The following MAML3 variants were observed in gnomAD, a reference collection of about 807,000 sequenced individuals.
MAML3 encodes mastermind-like protein 3.
MAML3 carries 27 observed loss-of-function variants against 101.9 expected under a neutral mutation model. The observed-to-expected ratio is 0.27, with a 90% CI of 0.20 to 0.37. The LOEUF is 0.37. Among genes scored for constraint, MAML3 ranks in the 10% least tolerant of loss-of-function variants. The probability of loss-of-function intolerance (pLI) is 1.00; values close to 1 mark genes in which losing one functional copy is unlikely to be tolerated. For missense variants in MAML3, 1,316 were observed against 1,444.9 expected (o/e 0.91, Z 1.45); for synonymous variants, 501 against 555.9 (o/e 0.90, Z 1.39).
rs1728489584 is a variant in MAML3, at chr4:140,114,742, A to C, written c.468+38118T>G. ...CTTGTTTCATCCATACCCCAAACCCACATTCCCTTTCCATATTATAGAAAG... is the reference window on the plus strand; with the variant it reads ...CTTGTTTCATCCATACCCCAAACCCCCATTCCCTTTCCATATTATAGAAAG... On this transcript the variant is annotated intron_variant, in intron 1 of 4. Coordinates refer to ENST00000509479, the MANE Select transcript of MAML3 (RefSeq NM_018717.5). 2.0e-5 allele frequency among the ~76,000 whole-genome samples: 3 copies of C among 152,322 alleles called. No homozygotes were observed. In the South Asian group the frequency reaches 6.2e-4, roughly 32 times the overall value.
chr4:140,074,158 G>GAGAGAAAGAA (rs1207599453), intron 1 of MAML3, among the ~76,000 whole-genome samples: 1 of 96,136 alleles, frequency 1.0e-5, no homozygotes, highest in East Asian at 3.1e-4. Flanking sequence ...AAGAAAGAGA[G>GAGAGAAAGAA]AGAGAAAGGA....
At chr4:139,894,791 T>C (rs991473944) in intron 1 of MAML3, among the ~76,000 whole-genome samples, 35 of 152,234 alleles carry the variant, frequency 2.3e-4, no homozygotes, top group African/African-American at 8.4e-4. Context: ...TATTATTTAT[T>C]GGACAAGGCA....
intron 1 of MAML3, among the ~76,000 whole-genome samples, chr4:139,934,294 C>T (rs1367811956): frequency 2.7e-5 from 4 of 150,568 alleles, no homozygotes; most frequent in Non-Finnish European, 4.4e-5. Context: ...GGTGTGTGTG[C>T]GACTATGGGT....
At chr4:140,115,040 G>A (rs1012229200) in intron 1 of MAML3, among the ~76,000 whole-genome samples, 4 of 152,088 alleles carry the variant, frequency 2.6e-5, no homozygotes, top group African/African-American at 9.7e-5. Flanking sequence ...ATATCCTATA[G>A]AACCATAACA....
At chr4:139,874,424 C>T (rs1222360232) in intron 2 of MAML3, among the ~76,000 whole-genome samples, 1 of 152,054 alleles carries the variant, frequency 6.6e-6, no homozygotes, top group Non-Finnish European at 1.5e-5. Context: ...GTGAAACTTG[C>T]TAACAGTTGG....
chr4:139,739,694 TC>T (rs1361880820), intron 2 of MAML3, among the ~76,000 whole-genome samples: 7 of 141,178 alleles, frequency 5.0e-5, no homozygotes, highest in African/African-American at 1.0e-4. Context: ...TTTTTTTTTT[TC>T]TTTTATGTCC....
chr4:139,850,734 G>T (rs1166736524), intron 2 of MAML3, among the ~76,000 whole-genome samples: 1 of 151,866 alleles, frequency 6.6e-6, no homozygotes, highest in Non-Finnish European at 1.5e-5. Flanking sequence ...GTAAAGACGG[G>T]CGTTTCACCA....
intron 1 of MAML3, among the ~76,000 whole-genome samples, chr4:140,072,404 C>G (rs1264296871): frequency 1.3e-5 from 2 of 152,106 alleles, no homozygotes; most frequent in Non-Finnish European, 2.9e-5. Flanking sequence ...GGCGTGGTGG[C>G]TCATGCCTGT....
chr4:139,990,429 C>T (rs1375937022), intron 1 of MAML3, among the ~76,000 whole-genome samples: 2 of 151,050 alleles, frequency 1.3e-5, no homozygotes, highest in African/African-American at 2.4e-5. Flanking sequence ...CTATGACAAA[C>T]CCACAGCCAA....
intron 1 of MAML3, among the ~76,000 whole-genome samples, chr4:140,151,040 G>C (rs1247037886): frequency 6.6e-6 from 1 of 152,094 alleles, no homozygotes; most frequent in Non-Finnish European, 1.5e-5. Flanking sequence ...GGACAGCCGC[G>C]ATGAAGCGGG....
intron 1 of MAML3, among the ~76,000 whole-genome samples, chr4:140,044,941 T>C (rs1230995293): frequency 1.3e-5 from 2 of 152,098 alleles, no homozygotes; most frequent in East Asian, 1.9e-4. Context: ...TATCTCCTTA[T>C]GTGCAACAAA....
rs148795372 is a variant in MAML3 at position 140,085,253 on chromosome 4, G to A, written c.468+67607C>T. Among the ~76,000 whole-genome samples, 14 of 152,280 alleles carry A rather than the reference G, an allele frequency of 9.2e-5. No individual in the cohort carries two copies. In the East Asian group the frequency reaches 2.7e-3, roughly 29 times the overall value. ...CAAGCTCTTAACAAACGGGTAATGG[G>A]TAGTTAAACATTTGCGACCAGTTAC... On this transcript the variant is annotated intron_variant, in intron 1 of 4. Transcript: ENST00000509479.
chr4:139,830,757 C>G (rs10032570), intron 2 of MAML3, among the ~76,000 whole-genome samples: 16,697 of 151,952 alleles, frequency 0.11, 2,144 homozygotes, highest in African/African-American at 0.31. Context: ...AAATAAGACA[C>G]GATCCTATTA....
intron 1 of MAML3, among the ~76,000 whole-genome samples, chr4:139,966,866 T>C (rs1734142445): frequency 6.6e-6 from 1 of 152,284 alleles, no homozygotes; most frequent in Admixed American, 6.5e-5. Flanking sequence ...ACAGCCCTCC[T>C]GACTTCCCAC....
intron 1 of MAML3, among the ~76,000 whole-genome samples, chr4:139,945,585 GC>G (rs1315378271): frequency 6.6e-6 from 1 of 152,140 alleles, no homozygotes; most frequent in Admixed American, 6.6e-5. Flanking sequence ...AGGTTTAATT[GC>G]ATGAAAATAT....
intron 1 of MAML3, among the ~76,000 whole-genome samples, chr4:140,062,055 C>T (rs767432654): frequency 6.6e-6 from 1 of 152,124 alleles, no homozygotes; most frequent in Non-Finnish European, 1.5e-5. Context: ...AGATACCTCC[C>T]GCCCCCATTA....
At chr4:140,063,195 T>C (rs990793030) in intron 1 of MAML3, among the ~76,000 whole-genome samples, 4 of 151,958 alleles carry the variant, frequency 2.6e-5, no homozygotes, top group Non-Finnish European at 4.4e-5. Context: ...GCCAAACAAT[T>C]TTACCTATTT....
intron 1 of MAML3, among the ~76,000 whole-genome samples, chr4:140,087,276 C>G (rs367902623): frequency 6.6e-6 from 1 of 152,196 alleles, no homozygotes; most frequent in Non-Finnish European, 1.5e-5. Flanking sequence ...AGGGTCCATG[C>G]TATCTTATAT....
intron 1 of MAML3, among the ~76,000 whole-genome samples, chr4:140,036,728 T>C (rs1017950314): frequency 6.6e-6 from 1 of 152,218 alleles, no homozygotes; most frequent in Non-Finnish European, 1.5e-5. Context: ...TGTCCCTCTA[T>C]TTAACAGTCA....
Sources: gnomAD v4.1 joint callset for allele counts (sites outside exome capture counted in the v4.1 genomes callset) on GRCh38, gnomAD v4.1.1 for gene constraint, MANE v1.5 for transcripts, NCBI Gene and HGNC (gene_info 2026-07-23, HGNC 2026-07-21) for gene names.